ATG2B: variants seen among roughly 807,000 people sequenced by gnomAD.
ATG2B encodes the protein autophagy-related protein 2 homolog B.
In ATG2B, 121 loss-of-function variants were observed where a neutral mutation model predicts 241.3. The observed-to-expected ratio is 0.50, with a 90% CI of 0.43 to 0.58. ATG2B has a LOEUF of 0.58. Ranked by LOEUF, ATG2B falls within the 20% of genes least tolerant of loss-of-function variation. ATG2B has a pLI of 0.00. For synonymous variants in ATG2B, 858 were observed against 876.6 expected, an observed-to-expected ratio of 0.98 and a Z score of 0.37; for missense variants, 2,306 against 2,491.6, an observed-to-expected ratio of 0.93 and a Z score of 1.59.
At chr14:96,287,687 G>A in intron 41 of ATG2B, among the ~76,000 whole-genome samples, 1 of 152,198 alleles carries the variant, frequency 6.6e-6, no homozygotes, top group Non-Finnish European at 1.5e-5. Context: ...CCTCGTAAGT[G>A]CCTGACTACC....
intron 1 of ATG2B, among the ~76,000 whole-genome samples, chr14:96,351,254 G>C (rs545530227): frequency 6.6e-6 from 1 of 152,320 alleles, no homozygotes; most frequent in African/African-American, 2.4e-5. Context: ...TAACAAATTA[G>C]GGAGGAGGGG....
At chr14:96,346,260 CCCA>C (rs1442188604) in intron 2 of ATG2B, among the ~76,000 whole-genome samples, 12 of 152,134 alleles carry the variant, frequency 7.9e-5, no homozygotes, top group African/African-American at 2.9e-4. Flanking sequence ...GAAAATTCTC[CCCA>C]CACCTCCCTA....
Position 96,281,554 on chromosome 14 carries a change from C to A in ATG2B, c.*4201G>T, listed in dbSNP as rs1595284879. 6.6e-6 allele frequency: 1 copy of A among 152,140 alleles called. No individual in the cohort carries two copies. 9.4% of individuals were successfully genotyped at this position (152,140 alleles called of 1,614,324 possible). ...ATTTCTCAATGAAAAAGCAAATAGC[C>A]CTGGGTGACCAGCAAGTTATACAAA... On this transcript the variant is annotated 3_prime_UTR_variant, in exon 42 of 42. Coordinates refer to ENST00000359933, the MANE Select transcript of ATG2B (RefSeq NM_018036.7).
chr14:96,332,214 GAAA>G, intron 10 of ATG2B, 88 bp downstream of exon 10: 178 of 825,482 alleles, frequency 2.2e-4, no homozygotes, highest in Middle Eastern at 2.7e-4. Context: ...GCCAAGACCA[GAAA>G]AAAAAAAAAA....
chr14:96,313,421 C>A lies in ATG2B; in HGVS notation c.3657G>T (p.Leu1219Phe). The change falls in exon 24 of 42, where the codon TTG becomes TTT. Residue 1219 changes from leucine to phenylalanine, a missense_variant. By Grantham distance (22) the Leu-to-Phe change is conservative. Coordinates refer to ENST00000359933, the MANE Select transcript of ATG2B (RefSeq NM_018036.7). ...CCAAAACAGGTTCATCAGCAATATTCAAGAAGTATAAAATCTATAATCACA... is the reference window on the plus strand; with the variant it reads ...CCAAAACAGGTTCATCAGCAATATTAAAGAAGTATAAAATCTATAATCACA... ...LSWHEQILYF[L>F]NIADEPVLGY... 1.3e-6 allele frequency: 2 copies of A among 1,563,652 alleles called. No homozygotes were observed. The highest frequency in any genetic ancestry group is 1.7e-6 in the Non-Finnish European group (2 of 1,158,156).
chr14:96,291,668 C>T lies in ATG2B; in HGVS notation c.5511G>A (p.Gly1837=). The change falls in exon 38 of 42, where the codon GGG becomes GGA. Residue 1837 remains glycine, a synonymous_variant. Coordinates refer to ENST00000359933, the MANE Select transcript of ATG2B (RefSeq NM_018036.7). ...TTAACTGAGCCAGACCAATCAAAAT[C>T]CCAGCTAGCGTACCCTTCAAAATTA... The part of the protein sequence containing the change: ...HVSMDQGTLA[G]ILIGLAQLNC... The T allele has an allele frequency of 6.2e-7, 1 of 1,606,898 alleles. No individual in the cohort carries two copies. The highest frequency in any genetic ancestry group is 1.7e-5 in the Admixed American group (1 of 59,828).
intron 4 of ATG2B, among the ~76,000 whole-genome samples, chr14:96,343,622 A>G (rs1888101406): frequency 6.6e-6 from 1 of 152,108 alleles, no homozygotes; most frequent in Admixed American, 6.5e-5. Flanking sequence ...AAATTGAGAG[A>G]AAAAAATTAA....
intron 19 of ATG2B, 98 bp from the exon 20 acceptor site, chr14:96,317,415 C>A: frequency 9.2e-7 from 1 of 1,084,690 alleles, no homozygotes; most frequent in Non-Finnish European, 1.3e-6. Flanking sequence ...CTTAGTTTTA[C>A]AAAGAATATG....
chr14:96,327,110 C>G (rs888767521), intron 14 of ATG2B, among the ~76,000 whole-genome samples: 1 of 152,040 alleles, frequency 6.6e-6, no homozygotes, highest in Non-Finnish European at 1.5e-5. Flanking sequence ...GTGGCACATG[C>G]ATGTAGCCCC....
In ATG2B at chr14:96,285,599, T is replaced by G. The variant is rs568317814; in HGVS notation, c.*156A>C. The G allele has an allele frequency of 3.7e-5, 25 of 677,008 alleles. No homozygotes were observed. The East Asian group carries it at 6.3e-4, about 17-fold the overall frequency. The allele number at this position is 677,008 out of a possible 1,614,324, so 41.9% of individuals were successfully genotyped here. On this transcript the variant is annotated 3_prime_UTR_variant, in exon 42 of 42. Transcript: ENST00000359933. The surrounding 1 kb of genome is among the most constrained non-coding windows in gnomAD (Gnocchi z 4.2). The stretch of plus-strand genomic sequence containing the variant: ...AACTATAAATGTCAGAAGTTTTTGG[T>G]TGCATGTTGTTTTGATGTTAAATTA...
At chr14:96,333,963 T>C (rs1887807342) in intron 7 of ATG2B, 90 bp from the exon 8 acceptor site, 5 of 1,111,220 alleles carry the variant, frequency 4.5e-6, no homozygotes, top group East Asian at 2.4e-5. Flanking sequence ...GGAACAACAA[T>C]GGCAACTTAA....
In ATG2B at chr14:96,284,117, G is replaced by A. The variant is rs898817324; in HGVS notation, c.*1638C>T. On this transcript the variant is annotated 3_prime_UTR_variant, in exon 42 of 42. Coordinates refer to ENST00000359933, the MANE Select transcript of ATG2B (RefSeq NM_018036.7). The stretch of plus-strand genomic sequence containing the variant: ...AACACACATAGCAAGTTTCCTTAAG[G>A]GCAAATGGAAAATGCTGGCATCTGA... The A allele has an allele frequency of 6.6e-6, 1 of 152,136 alleles. No homozygotes were observed. Among genetic ancestry groups the A allele is most frequent in the African/African-American group, 2.4e-5 (1 of 41,434 alleles). 9.4% of individuals were successfully genotyped at this position (152,136 alleles called of 1,614,324 possible).
rs749895468 is a variant in ATG2B at position 96,362,767 on chromosome 14, C to T, written c.162+48G>A. Reference sequence around the variant, plus strand: ...TTGGATGGCACTGGTTCAAAGCGCCCTAAAGAGGGGAGCGAGCCCCGCCCG... The same window carrying T: ...TTGGATGGCACTGGTTCAAAGCGCCTTAAAGAGGGGAGCGAGCCCCGCCCG... On this transcript the variant is annotated intron_variant, in intron 1 of 41. Coordinates refer to ENST00000359933, the MANE Select transcript of ATG2B (RefSeq NM_018036.7). 4.5e-6 allele frequency: 7 copies of T among 1,570,752 alleles called. No homozygotes were observed. In the South Asian group the frequency reaches 6.9e-5, roughly 15 times the overall value.
intron 1 of ATG2B, among the ~76,000 whole-genome samples, chr14:96,349,818 A>G (rs971148635): frequency 6.6e-6 from 1 of 152,154 alleles, no homozygotes; most frequent in Non-Finnish European, 1.5e-5. Context: ...TCCTCCAGCT[A>G]GAGCTCAGGA....
Position 96,304,595 on chromosome 14 carries a change from T to G in ATG2B, c.4742A>C (p.His1581Pro), listed in dbSNP as rs769450583. The change falls in exon 32 of 42, where the codon CAC (histidine) becomes CCC (proline). Residue 1581 changes from histidine (H) to proline (P), a missense_variant. Physicochemically the swap from His to Pro is moderately conservative, Grantham distance 77. Coordinates refer to ENST00000359933, the MANE Select transcript of ATG2B (RefSeq NM_018036.7). The part of the protein sequence containing the change: ...TSPAKSYISP[H>P]SSPSHTPTRH... ...CGTGGGTGTGTGAGAAGGCGAACTG[T>G]GGGGACTACTAAAAATGAGCAAAAA... 5.8e-6 allele frequency: 9 copies of G among 1,564,880 alleles called. No homozygotes were observed. Among genetic ancestry groups the G allele is most frequent in the Non-Finnish European group, 7.8e-6 (9 of 1,147,424 alleles).
intron 18 of ATG2B, 132 bp downstream of exon 18, chr14:96,321,980 A>G (rs1184066141): frequency 3.0e-6 from 2 of 674,168 alleles, no homozygotes; most frequent in South Asian, 4.6e-5. Context: ...AATAGTCACC[A>G]TCAACACCAC....
At chr14:96,304,986 T>C (rs1258870027) in intron 31 of ATG2B, among the ~76,000 whole-genome samples, 2 of 151,750 alleles carry the variant, frequency 1.3e-5, no homozygotes, top group Admixed American at 6.5e-5. Context: ...AAAATAATTA[T>C]AGTAAAGTTG....
rs201736391 is a variant in ATG2B, at chr14:96,315,463, T to C, written c.3482A>G (p.Asp1161Gly). 3.9e-4 allele frequency: 623 copies of C among 1,614,022 alleles called. No homozygotes were observed. Among genetic ancestry groups the C allele is most frequent in the Non-Finnish European group, 4.4e-4 (517 of 1,180,006 alleles). ...ATTCAAACTGTCTCCTCCAACTCCATCTGAAGAAGTTTTACTGAGGCCATC... is the reference window on the plus strand; with the variant it reads ...ATTCAAACTGTCTCCTCCAACTCCACCTGAAGAAGTTTTACTGAGGCCATC... ...EEDGLSKTSSDGVGGDSLNML... is the reference protein window; with the variant it reads ...EEDGLSKTSSGGVGGDSLNML... The change falls in exon 22 of 42, where the codon GAT becomes GGT. Residue 1161 changes from aspartate to glycine, a missense_variant. This residue lies in a region of ATG2B where 1,927 missense variants were observed against 2,011.2 expected (regional missense o/e 0.96). Coordinates refer to ENST00000359933, the MANE Select transcript of ATG2B (RefSeq NM_018036.7).
intron 23 of ATG2B, among the ~76,000 whole-genome samples, chr14:96,313,922 C>T (rs1887232767): frequency 6.6e-6 from 1 of 152,100 alleles, no homozygotes; most frequent in Non-Finnish European, 1.5e-5. Flanking sequence ...ATCAATCTGG[C>T]TTCTTATATA....
Sources: gnomAD v4.1 joint callset for allele counts (sites outside exome capture counted in the v4.1 genomes callset) on GRCh38, gnomAD v4.1.1 for gene constraint, gnomAD v4.1.1 regional missense constraint, Gnocchi (gnomAD v3.1) non-coding constraint, MANE v1.5 for transcripts, NCBI Gene and HGNC (gene_info 2026-07-23, HGNC 2026-07-21) for gene names.